Variants in GPR39 observed in about 807,000 individuals in gnomAD.
GPR39 encodes the protein zinc sensing receptor.
GPR39 carries 23 observed loss-of-function variants against 18.4 expected under a neutral mutation model. The observed-to-expected ratio is 1.25, with a 90% CI of 0.90 to 1.77. GPR39 has a LOEUF of 1.77. Ranked by LOEUF, GPR39 falls within the 40% of genes most tolerant of loss-of-function variation. The pLI is 0.00. For synonymous variants in GPR39, 280 were observed against 257.9 expected (o/e 1.09, Z -0.82); for missense variants, 647 against 602.4 (o/e 1.07, Z -0.78).
At position 132,417,356 on chromosome 2, in the gene GPR39, C is replaced by A; in HGVS notation, c.314C>A (p.Thr105Asn). The change falls in exon 1 of 2, where the codon ACC becomes AAC. Residue 105 changes from threonine (T) to asparagine (N), a missense_variant. Thr to Asn is a moderately conservative substitution (Grantham distance 65, BLOSUM62 0). Transcript: ENST00000329321. ...AATCCCCTGACCACGTCCAGCTACACCCTGTCCTGCAAGCTGCACACTTTC... is the reference window on the plus strand; with the variant it reads ...AATCCCCTGACCACGTCCAGCTACAACCTGTCCTGCAAGCTGCACACTTTC... Reference protein sequence around the residue: ...IWNPLTTSSYTLSCKLHTFLF... With the variant: ...IWNPLTTSSYNLSCKLHTFLF... 6.2e-7 allele frequency: 1 copy of A among 1,614,202 alleles called. No individual in the cohort carries two copies. Among genetic ancestry groups the A allele is most frequent in the South Asian group, 1.1e-5 (1 of 91,080 alleles).
At chr2:132,557,921 G>A (rs1680184729) in intron 1 of GPR39, among the ~76,000 whole-genome samples, 1 of 145,992 alleles carries the variant, frequency 6.8e-6, no homozygotes, top group Non-Finnish European at 1.5e-5. Context: ...GTGGCACCTA[G>A]ATAAGGGTTC....
intron 1 of GPR39, among the ~76,000 whole-genome samples, chr2:132,430,384 G>A (rs918309683): frequency 2.0e-5 from 3 of 152,180 alleles, no homozygotes; most frequent in African/African-American, 7.2e-5. Context: ...GGTGGCTGGG[G>A]AGACCTTGAC....
At chr2:132,542,989 C>T (rs755759909) in intron 1 of GPR39, among the ~76,000 whole-genome samples, 1 of 152,134 alleles carries the variant, frequency 6.6e-6, no homozygotes, top group Non-Finnish European at 1.5e-5. Flanking sequence ...TTCTAACTTC[C>T]CAGGGCTGGA....
chr2:132,562,828 C>T (rs1157185265), intron 1 of GPR39, among the ~76,000 whole-genome samples: 1 of 152,008 alleles, frequency 6.6e-6, no homozygotes, highest in Non-Finnish European at 1.5e-5. Flanking sequence ...AGAACAAGCT[C>T]ATGCAGCAAC....
intron 1 of GPR39, among the ~76,000 whole-genome samples, chr2:132,509,676 C>A (rs922312987): frequency 6.6e-6 from 1 of 152,152 alleles, no homozygotes; most frequent in Non-Finnish European, 1.5e-5. Flanking sequence ...TATAATGACC[C>A]CTGCCTCACA....
At chr2:132,496,961 T>C (rs1376120487) in intron 1 of GPR39, among the ~76,000 whole-genome samples, 2 of 152,222 alleles carry the variant, frequency 1.3e-5, no homozygotes, top group Non-Finnish European at 2.9e-5. Context: ...TTTTAAAATA[T>C]CCACTTGGTT....
rs550955694 is a variant in GPR39, at chr2:132,521,516, A to T, written c.856+103618A>T. On this transcript the variant is annotated intron_variant, in intron 1 of 1. Transcript: ENST00000329321. ...GCCTGTTTCACCTCTGACTCACACC[A>T]CAGGGATGGGGGATCCCGCAGCTCC... Among the ~76,000 whole-genome samples the T allele has an allele frequency of 2.0e-5, 3 of 152,286 alleles. No homozygotes were observed. In the East Asian group the frequency reaches 5.8e-4, roughly 29 times the overall value.
chr2:132,638,604 G>A (rs1457977051), intron 1 of GPR39, among the ~76,000 whole-genome samples: 3 of 152,308 alleles, frequency 2.0e-5, no homozygotes, highest in African/African-American at 4.8e-5. Flanking sequence ...TGATTTGGAC[G>A]CCTCGGGTCA....
chr2:132,438,714 T>C (rs2104763595), intron 1 of GPR39, among the ~76,000 whole-genome samples: 1 of 152,176 alleles, frequency 6.6e-6, no homozygotes, highest in South Asian at 2.1e-4. Flanking sequence ...ACTGATGCCT[T>C]AAGTCTCAAA....
intron 1 of GPR39, among the ~76,000 whole-genome samples, chr2:132,565,639 G>A (rs1459680404): frequency 7.0e-6 from 1 of 143,870 alleles, no homozygotes; most frequent in East Asian, 2.1e-4. Context: ...CTATGAGTGA[G>A]AATATGCGGT....
At chr2:132,556,270 G>A (rs1302446771) in intron 1 of GPR39, among the ~76,000 whole-genome samples, 1 of 152,186 alleles carries the variant, frequency 6.6e-6, no homozygotes, top group Non-Finnish European at 1.5e-5. Flanking sequence ...TATATGGACA[G>A]CCTAAGTAGT....
intron 1 of GPR39, among the ~76,000 whole-genome samples, chr2:132,497,657 T>TAA (rs1035995026): frequency 1.2e-4 from 19 of 152,320 alleles, no homozygotes; most frequent in African/African-American, 3.8e-4. Context: ...AAGCCCTTTC[T>TAA]AACACCCTAC....
At chr2:132,552,891 CAT>C (rs1491088560) in intron 1 of GPR39, among the ~76,000 whole-genome samples, 10 of 125,916 alleles carry the variant, frequency 7.9e-5, no homozygotes, top group Non-Finnish European at 1.1e-4. Context: ...TATATACACA[CAT>C]ATATATATAC....
chr2:132,499,609 G>A (rs1678965690), intron 1 of GPR39, among the ~76,000 whole-genome samples: 1 of 151,942 alleles, frequency 6.6e-6, no homozygotes, highest in South Asian at 2.1e-4. Context: ...AAGAATGATG[G>A]TGGTATTTTG....
At chr2:132,465,293 C>G (rs1354634809) in intron 1 of GPR39, among the ~76,000 whole-genome samples, 3 of 152,244 alleles carry the variant, frequency 2.0e-5, no homozygotes, top group Non-Finnish European at 2.9e-5. Flanking sequence ...AGGAGTTCCC[C>G]TTTTCCTTGC....
At chr2:132,537,456 TC>T in intron 1 of GPR39, among the ~76,000 whole-genome samples, 1 of 152,204 alleles carries the variant, frequency 6.6e-6, no homozygotes, top group African/African-American at 2.4e-5. Flanking sequence ...CTGATGGACT[TC>T]CCTTTTTAGG....
chr2:132,613,315 TTAAA>T (rs1252800425), intron 1 of GPR39, among the ~76,000 whole-genome samples: 3 of 152,270 alleles, frequency 2.0e-5, no homozygotes, highest in Admixed American at 6.5e-5. Context: ...TATATAAAAC[TTAAA>T]TAACTCTATT....
chr2:132,420,082 T>G (rs919056900), intron 1 of GPR39, among the ~76,000 whole-genome samples: 2 of 152,236 alleles, frequency 1.3e-5, no homozygotes, highest in Non-Finnish European at 2.9e-5. Flanking sequence ...GAGTTTGTTC[T>G]TGCTGCTGCT....
intron 1 of GPR39, among the ~76,000 whole-genome samples, chr2:132,636,283 T>G (rs1460627495): frequency 6.6e-6 from 1 of 152,196 alleles, no homozygotes; most frequent in South Asian, 2.1e-4. Context: ...CTTAGCTCTG[T>G]GCTCCACCCA....
Sources: allele counts gnomAD v4.1 joint callset (sites outside exome capture counted in the v4.1 genomes callset), GRCh38; gene constraint gnomAD v4.1.1; transcripts MANE v1.5; gene names NCBI Gene and HGNC (gene_info 2026-07-23, HGNC 2026-07-21).